The following PEX5L variants were observed in gnomAD, a reference collection of about 807,000 sequenced individuals.
PEX5L encodes peroxisomal biogenesis factor 5 like, also known as PEX5-related protein.
PEX5L carries 30 observed loss-of-function variants against 84.0 expected under a neutral mutation model. The observed-to-expected ratio is 0.36, with a 90% CI of 0.27 to 0.48. PEX5L has a LOEUF of 0.48. Among genes scored for constraint, PEX5L ranks in the 20% least tolerant of loss-of-function variants. The pLI is 0.99. For missense variants in PEX5L, 533 were observed against 754.6 expected (o/e 0.71, Z 3.44); for synonymous variants, 270 against 283.1 (o/e 0.95, Z 0.46).
chr3:179,954,650 G>A (rs1780039740), intron 2 of PEX5L, among the ~76,000 whole-genome samples: 1 of 152,142 alleles, frequency 6.6e-6, no homozygotes, highest in African/African-American at 2.4e-5. Flanking sequence ...TTTTCTTGAT[G>A]GCTGGTGGGA....
chr3:180,026,266 T>C (rs557207741), intron 1 of PEX5L, among the ~76,000 whole-genome samples: 67 of 152,078 alleles, frequency 4.4e-4, no homozygotes, highest in Admixed American at 1.0e-3. Context: ...TAAAGACCTT[T>C]ATACCTCCAA....
At chr3:179,971,569 A>G in intron 2 of PEX5L, 25 bp downstream of exon 2, 1 of 1,598,060 alleles carries the variant, frequency 6.3e-7, no homozygotes, top group East Asian at 2.3e-5. Context: ...AGAACAGTAG[A>G]AAATGTACGT....
chr3:179,945,968 C>A (rs1327911645), intron 2 of PEX5L, among the ~76,000 whole-genome samples: 1 of 151,334 alleles, frequency 6.6e-6, no homozygotes, highest in Non-Finnish European at 1.5e-5. Context: ...TGGTGACTTG[C>A]AAGCCAAATT....
At chr3:179,833,988 A>C (rs1397300233) in intron 8 of PEX5L, among the ~76,000 whole-genome samples, 2 of 152,038 alleles carry the variant, frequency 1.3e-5, no homozygotes, top group Admixed American at 1.3e-4. Context: ...GCACATACCG[A>C]CATGCGTGGC....
chr3:179,881,070 A>T (rs901161563), intron 4 of PEX5L: 11 of 152,460 alleles, frequency 7.2e-5, no homozygotes, highest in African/African-American at 2.6e-4. Context: ...CACCCAGCTC[A>T]CGTAGGAAAG....
chr3:179,970,845 C>T lies in PEX5L; in HGVS notation c.93+749G>A, dbSNP rs533737885. On this transcript the variant is annotated intron_variant, in intron 2 of 14. Transcript: ENST00000467460. ...ATTATTTCTCTCTCTACAGCTTTTG[C>T]GTCGCTCTCAGATGCTGTGCCACCC... Among the ~76,000 whole-genome samples the T allele has an allele frequency of 3.4e-4, 51 of 152,220 alleles. 1 individual carries two copies. The South Asian group carries it at 9.7e-3, about 29-fold the overall frequency.
rs182401798 is a variant in PEX5L at position 179,855,028 on chromosome 3, G to A, written c.822+4034C>T. On this transcript the variant is annotated intron_variant, in intron 8 of 14. Transcript: ENST00000467460. ...AGAAGGAACCTGCCACCTGAAGATC[G>A]GAGGAAAGAGTGTTCCATATAGACA... Among the ~76,000 whole-genome samples the A allele has an allele frequency of 3.3e-5, 5 of 152,268 alleles. No individual in the cohort carries two copies. In the East Asian group the frequency reaches 7.7e-4, roughly 24 times the overall value.
intron 2 of PEX5L, among the ~76,000 whole-genome samples, chr3:179,960,337 G>A (rs1781699151): frequency 6.6e-6 from 1 of 152,228 alleles, no homozygotes; most frequent in Admixed American, 6.5e-5. Flanking sequence ...GATGCTTCAA[G>A]GTGTTCAGTA....
At chr3:179,863,311 T>C (rs896461573) in intron 7 of PEX5L, among the ~76,000 whole-genome samples, 4 of 151,972 alleles carry the variant, frequency 2.6e-5, no homozygotes, top group African/African-American at 9.7e-5. Context: ...ACTAAAAACA[T>C]AGGCAACAAA....
chr3:179,981,338 C>T (rs1786312152), intron 1 of PEX5L, among the ~76,000 whole-genome samples: 1 of 152,118 alleles, frequency 6.6e-6, no homozygotes. Flanking sequence ...GTAAGAAGCC[C>T]ACTCTGGCTA....
At chr3:179,830,168 T>G (rs188368208) in intron 8 of PEX5L, among the ~76,000 whole-genome samples, 1 of 152,208 alleles carries the variant, frequency 6.6e-6, no homozygotes, top group East Asian at 1.9e-4. Context: ...CCTCTCATTC[T>G]TTCAGAATAT....
At position 179,816,109 on chromosome 3, in the gene PEX5L, G is replaced by T. The variant is rs1003666467; in HGVS notation, c.940-105C>A. 7.3e-6 allele frequency: 8 copies of T among 1,094,124 alleles called. No individual in the cohort carries two copies. In the Admixed American group the frequency reaches 1.4e-4, roughly 20 times the overall value. 67.8% of individuals were successfully genotyped at this position (1,094,124 alleles called of 1,614,324 possible). ...GTCAGGAAACAACAGATGCTGGAGAGAATGTGGAGAAACAGGAACACTTTT... is the reference window on the plus strand; with the variant it reads ...GTCAGGAAACAACAGATGCTGGAGATAATGTGGAGAAACAGGAACACTTTT... On this transcript the variant is annotated intron_variant, in intron 9 of 14. Transcript: ENST00000467460.
intron 2 of PEX5L, among the ~76,000 whole-genome samples, chr3:179,949,850 AT>A (rs1778603399): frequency 6.6e-6 from 1 of 152,212 alleles, no homozygotes; most frequent in Non-Finnish European, 1.5e-5. Context: ...GAATATAAAA[AT>A]GAATAAGATG....
rs28681233 is a variant in PEX5L at position 179,935,662 on chromosome 3, G to T, written c.93+35932C>A. Among the ~76,000 whole-genome samples the T allele has an allele frequency of 9.9e-3, 1,513 of 152,222 alleles. 23 individuals are homozygous for T. Among genetic ancestry groups the T allele is most frequent in the African/African-American group, 0.035 (1,445 of 41,532 alleles). Reference sequence around the variant, plus strand: ...GCAGGTAGTCACAATTATTTTGGTAGTTGCATGGTTTGAGTGTCCCCACCA... The same window carrying T: ...GCAGGTAGTCACAATTATTTTGGTATTTGCATGGTTTGAGTGTCCCCACCA... On this transcript the variant is annotated intron_variant, in intron 2 of 14. Coordinates refer to ENST00000467460, the MANE Select transcript of PEX5L (RefSeq NM_016559.3).
At chr3:179,986,548 G>A (rs932600070) in intron 1 of PEX5L, among the ~76,000 whole-genome samples, 2 of 151,910 alleles carry the variant, frequency 1.3e-5, no homozygotes, top group South Asian at 2.1e-4. Flanking sequence ...GACTACAGGC[G>A]CCCGCCACCA....
rs1772340802 is a variant in PEX5L, at chr3:179,929,296, T to C, written c.94-31050A>G. ...TGCAAGTGGTTTCAAGGATGGAAAA[T>C]CTGTGATGGAAAAATCCTCAAAGTA... On this transcript the variant is annotated intron_variant, in intron 2 of 14. Coordinates refer to ENST00000467460, the MANE Select transcript of PEX5L (RefSeq NM_016559.3). 2.0e-5 allele frequency among the ~76,000 whole-genome samples: 3 copies of C among 152,208 alleles called. No homozygotes were observed. In the South Asian group the frequency reaches 6.2e-4, roughly 32 times the overall value.
At chr3:179,888,027 C>T in intron 3 of PEX5L, 5 of 864,354 alleles carry the variant, frequency 5.8e-6, no homozygotes, top group East Asian at 3.5e-5. Context: ...GCCTTTCCTC[C>T]CCCCTCCTGA....
chr3:179,840,452 G>C (rs1483512781), intron 8 of PEX5L, among the ~76,000 whole-genome samples: 2 of 152,000 alleles, frequency 1.3e-5, no homozygotes, highest in Non-Finnish European at 2.9e-5. Context: ...GCCTCCCAAA[G>C]TGCTGGGCTT....
Position 179,945,868 on chromosome 3 carries a change from C to T in PEX5L, c.93+25726G>A, listed in dbSNP as rs539277993. Reference sequence around the variant, plus strand: ...GTCTCAGTTCTCCCACTCGAGGTCACGCAGTATATTTCATGCCTCTTGTGT... The same window carrying T: ...GTCTCAGTTCTCCCACTCGAGGTCATGCAGTATATTTCATGCCTCTTGTGT... On this transcript the variant is annotated intron_variant, in intron 2 of 14. Coordinates refer to ENST00000467460, the MANE Select transcript of PEX5L (RefSeq NM_016559.3). Among the ~76,000 whole-genome samples, 7 of 152,200 alleles carry T rather than the reference C, an allele frequency of 4.6e-5. No homozygotes were observed. In the South Asian group the frequency reaches 1.2e-3, roughly 27 times the overall value.
Sources: allele counts gnomAD v4.1 joint callset (sites outside exome capture counted in the v4.1 genomes callset), GRCh38; gene constraint gnomAD v4.1.1; transcripts MANE v1.5; gene names NCBI Gene and HGNC (gene_info 2026-07-23, HGNC 2026-07-21).